The following LIAS variants were observed in gnomAD, a reference collection of about 807,000 sequenced individuals.
LIAS encodes lipoic acid synthetase, also known as lipoyl synthase, mitochondrial.
LIAS carries 36 observed loss-of-function variants against 49.4 expected under a neutral mutation model. The observed-to-expected ratio is 0.73, with a 90% confidence interval of 0.56 to 0.96. LIAS has a LOEUF of 0.96. Ranked by LOEUF, LIAS falls within the 40% of genes least tolerant of loss-of-function variation. The probability of loss-of-function intolerance (pLI) is 0.00; values close to 1 mark genes in which losing one functional copy is unlikely to be tolerated. For missense variants in LIAS, 399 were observed against 456.3 expected (o/e 0.87, Z 1.14); for synonymous variants, 145 against 155.8 (o/e 0.93, Z 0.52).
At chr4:39,469,486 A>G (rs1744897780) in intron 7 of LIAS, 2 of 152,462 alleles carry the variant, frequency 1.3e-5, no homozygotes, top group South Asian at 4.1e-4. Flanking sequence ...CAACCTCATC[A>G]TGATACCACC....
rs201155530 is a variant in LIAS, at chr4:39,471,235, G to A, written c.884-1G>A. 1.9e-6 allele frequency: 3 copies of A among 1,607,832 alleles called. No homozygotes were observed. The highest frequency in any genetic ancestry group is 2.6e-6 in the Non-Finnish European group (3 of 1,175,412). Reference sequence around the variant, plus strand: ...TGTAATTTGTGCTTTTCTTCCTACAGCACTTCGTGAGGCAGATGTAGACTG... The same window carrying A: ...TGTAATTTGTGCTTTTCTTCCTACAACACTTCGTGAGGCAGATGTAGACTG... On this transcript the variant is annotated splice_acceptor_variant, in intron 8 of 10. Transcript: ENST00000640888. LOFTEE classifies it high-confidence loss of function.
intron 8 of LIAS, 30 bp from the exon 9 acceptor site, chr4:39,471,206 C>T: frequency 6.6e-7 from 1 of 1,520,368 alleles, no homozygotes; most frequent in Non-Finnish European, 9.1e-7. Flanking sequence ...AAAGTATTTG[C>T]TAATGTAATT....
chr4:39,465,667 GA>G (rs1294818798), intron 6 of LIAS, among the ~76,000 whole-genome samples: 1 of 102,486 alleles, frequency 9.8e-6, no homozygotes, highest in Non-Finnish European at 2.0e-5. Context: ...TCTTAGTAAT[GA>G]TTTTTTTTTT....
chr4:39,467,757 T>A, intron 7 of LIAS, 111 bp downstream of exon 7: 1 of 1,130,546 alleles, frequency 8.8e-7, no homozygotes, highest in Non-Finnish European at 1.2e-6. Context: ...AAGTAAACTC[T>A]ATTCTTTTTT....
chr4:39,459,064 T>G lies in LIAS; in HGVS notation c.-54T>G. The G allele has an allele frequency of 1.2e-6, 2 of 1,600,978 alleles. No individual in the cohort carries two copies. The highest frequency in any genetic ancestry group is 2.2e-5 in the South Asian group (2 of 90,818). On this transcript the variant is annotated 5_prime_UTR_variant, in exon 1 of 11. Coordinates refer to ENST00000640888, the MANE Select transcript of LIAS (RefSeq NM_006859.4). ...AGCGACGTAATTTCGACCTGTCCTT[T>G]CCCGGGAGTTAGCGATCCCTCAACC...
chr4:39,468,519 A>ATTTTTT (rs1213935231), intron 7 of LIAS: 2 of 142,324 alleles, frequency 1.4e-5, no homozygotes, highest in East Asian at 4.0e-4. Context: ...ATATATATAT[A>ATTTTTT]TATTTTTTTA....
Position 39,471,182 on chromosome 4 carries a change from T to G in LIAS, c.884-54T>G, listed in dbSNP as rs1395405941. 3.0e-6 allele frequency: 4 copies of G among 1,319,974 alleles called. No individual in the cohort carries two copies. In the African/African-American group the frequency reaches 5.8e-5, roughly 19 times the overall value. The allele number at this position is 1,319,974 out of a possible 1,614,324, so 81.8% of individuals were successfully genotyped here. On this transcript the variant is annotated intron_variant, in intron 8 of 10. Coordinates refer to ENST00000640888, the MANE Select transcript of LIAS (RefSeq NM_006859.4). ...TAAATATTCCTTAGGAAAATTATGC[T>G]TAGATCTACAATTAAAGTATTTGCT...
At position 39,477,126 on chromosome 4, in the gene LIAS, A is replaced by T; in HGVS notation, c.*11A>T. 1 of 1,588,744 alleles carries T rather than the reference A, an allele frequency of 6.3e-7. No homozygotes were observed. The highest frequency in any genetic ancestry group is 1.8e-5 in the Admixed American group (1 of 54,432). ...ACAAAAGACCTCTAAAACTTCAACA[A>T]GACCTTCAAGATCACAGAAATTTTT... On this transcript the variant is annotated 3_prime_UTR_variant, in exon 11 of 11. Transcript: ENST00000640888.
At chr4:39,472,575 G>A (rs1271497743) in intron 9 of LIAS, among the ~76,000 whole-genome samples, 1 of 152,184 alleles carries the variant, frequency 6.6e-6, no homozygotes, top group African/African-American at 2.4e-5. Flanking sequence ...TGGTTATTGT[G>A]TAACTTGTTT....
At chr4:39,463,046 A>C (rs1744598575) in intron 3 of LIAS, among the ~76,000 whole-genome samples, 1 of 152,030 alleles carries the variant, frequency 6.6e-6, no homozygotes, top group Admixed American at 6.6e-5. Flanking sequence ...ACACCTCTAT[A>C]GGACATGCTC....
chr4:39,459,726 AAC>A (rs1256651751), intron 1 of LIAS, among the ~76,000 whole-genome samples: 1 of 152,246 alleles, frequency 6.6e-6, no homozygotes, highest in Admixed American at 6.5e-5. Context: ...GCCACGTTCA[AAC>A]ACAGAAACAA....
chr4:39,469,566 T>C (rs1744900478), intron 7 of LIAS: 1 of 152,914 alleles, frequency 6.5e-6, no homozygotes, highest in Non-Finnish European at 1.5e-5. Context: ...TCCAGAATCA[T>C]GCATTTCTTT....
Position 39,467,576 on chromosome 4 carries a change from A to G in LIAS, c.667A>G (p.Ile223Val). Residue 223 changes from isoleucine to valine, a missense_variant, in exon 7 of 11, where the codon ATA (isoleucine) becomes GTA (valine). By Grantham distance (29) the Ile-to-Val change is conservative. Transcript: ENST00000640888. Reference sequence around the variant, plus strand: ...TGATTTTCGAGGTGATCTCAAAGCAATAGAAAAAGTTGCTCTGTCAGGATT... The same window carrying G: ...TGATTTTCGAGGTGATCTCAAAGCAGTAGAAAAAGTTGCTCTGTCAGGATT... Reference protein sequence around the residue: ...TPDFRGDLKAIEKVALSGLDV... With the variant: ...TPDFRGDLKAVEKVALSGLDV... 3.1e-6 allele frequency: 5 copies of G among 1,607,676 alleles called. No individual in the cohort carries two copies. Among genetic ancestry groups the G allele is most frequent in the Non-Finnish European group, 4.2e-6 (5 of 1,176,920 alleles).
chr4:39,468,996 T>C (rs1279445352), intron 7 of LIAS: 1 of 152,150 alleles, frequency 6.6e-6, no homozygotes, highest in Non-Finnish European at 1.5e-5. Context: ...GTAACACTGA[T>C]GTAAGAAAAA....
Position 39,476,802 on chromosome 4 carries a change from G to T in LIAS, c.1067-261G>T, listed in dbSNP as rs578146857. 1.3e-5 allele frequency: 5 copies of T among 399,008 alleles called. No individual in the cohort carries two copies. In the East Asian group the frequency reaches 2.8e-4, roughly 22 times the overall value. The allele number at this position is 399,008 out of a possible 1,614,324, so 24.7% of individuals were successfully genotyped here. ...AATGTGCAGACCCATATATACAGTA[G>T]GGTCACCCTTTGTAATATTGGCTTA... On this transcript the variant is annotated intron_variant, in intron 10 of 10. Coordinates refer to ENST00000640888, the MANE Select transcript of LIAS (RefSeq NM_006859.4).
At chr4:39,460,588 CA>C (rs1365766076) in intron 1 of LIAS, among the ~76,000 whole-genome samples, 9 of 146,448 alleles carry the variant, frequency 6.1e-5, no homozygotes, top group Admixed American at 6.1e-4. Flanking sequence ...CAGTAGTAAA[CA>C]GTCAACTCTT....
chr4:39,462,469 T>G (rs1744556897), intron 3 of LIAS, among the ~76,000 whole-genome samples, 180 bp downstream of exon 3: 1 of 152,158 alleles, frequency 6.6e-6, no homozygotes, highest in Non-Finnish European at 1.5e-5. Context: ...ACAAAGAGAT[T>G]TTTTGCCCTA....
chr4:39,461,056 A>T, intron 2 of LIAS, 94 bp downstream of exon 2: 1 of 1,037,020 alleles, frequency 9.6e-7, no homozygotes, highest in African/African-American at 1.6e-5. Context: ...TTTTAATATC[A>T]GACTTGTTAA....
Position 39,467,542 on chromosome 4 carries a change from T to C in LIAS, c.633T>C (p.Cys211=). The C allele has an allele frequency of 6.2e-7, 1 of 1,607,440 alleles. No individual in the cohort carries two copies. Residue 211 remains cysteine, a synonymous_variant, in exon 7 of 11, where the codon TGT becomes TGC. Coordinates refer to ENST00000640888, the MANE Select transcript of LIAS (RefSeq NM_006859.4). ...KERNPKILVE[C]LTPDFRGDLK... is the part of the protein sequence containing the mutation. ...GGAATCCAAAAATCCTTGTGGAGTG[T>C]CTTACTCCTGATTTTCGAGGTGATC...
Sources: gnomAD v4.1 joint callset for allele counts (sites outside exome capture counted in the v4.1 genomes callset) on GRCh38, gnomAD v4.1.1 for gene constraint, MANE v1.5 for transcripts, NCBI Gene and HGNC (gene_info 2026-07-23, HGNC 2026-07-21) for gene names.